B3GALNT2: variants seen among roughly 807,000 people sequenced by gnomAD.
B3GALNT2 encodes the protein UDP-GalNAc:beta-1,3-N-acetylgalactosaminyltransferase 2.
A neutral mutation model predicts 61.1 loss-of-function variants in B3GALNT2; 53 were observed. The observed-to-expected ratio is 0.87, with a 90% confidence interval of 0.70 to 1.09. The LOEUF (loss-of-function observed/expected upper bound fraction) is 1.09. Ranked by LOEUF, B3GALNT2 falls within the 50% of genes least tolerant of loss-of-function variation. The pLI, the probability that B3GALNT2 is intolerant of heterozygous loss-of-function variation, is 0.00. For missense variants in B3GALNT2, 544 were observed against 623.0 expected (o/e 0.87, Z 1.35); for synonymous variants, 223 against 237.4 (o/e 0.94, Z 0.56).
At chr1:235,467,945 A>G (rs1237537223) in intron 6 of B3GALNT2, among the ~76,000 whole-genome samples, 1 of 150,622 alleles carries the variant, frequency 6.6e-6, no homozygotes, top group Non-Finnish European at 1.5e-5. Flanking sequence ...ACGCCTGGCT[A>G]ATTTTTATAT....
At chr1:235,468,297 C>T (rs192454900) in intron 6 of B3GALNT2, among the ~76,000 whole-genome samples, 4 of 152,090 alleles carry the variant, frequency 2.6e-5, no homozygotes, top group Admixed American at 6.6e-5. Flanking sequence ...GGTTTCTTAG[C>T]GTAGGCTTTA....
intron 6 of B3GALNT2, among the ~76,000 whole-genome samples, chr1:235,469,838 A>G (rs1221239390): frequency 2.0e-5 from 3 of 151,818 alleles, no homozygotes; most frequent in Non-Finnish European, 4.4e-5. Flanking sequence ...CTCGGATTAC[A>G]GGCATAAGCC....
At chr1:235,456,643 G>A (rs548245065) in intron 8 of B3GALNT2, among the ~76,000 whole-genome samples, 3 of 152,268 alleles carry the variant, frequency 2.0e-5, no homozygotes, top group South Asian at 2.1e-4. Context: ...CAGCTATGGG[G>A]ACGCAGGTCC....
At chr1:235,440,748 G>A in the B3GALNT2 span, 3 of 152,126 alleles carry the variant, frequency 2.0e-5, no homozygotes, top group Non-Finnish European at 2.9e-5. Context: ...AGGAAAGTTC[G>A]TATGAGTGTA....
intron 5 of B3GALNT2, 137 bp from the exon 6 acceptor site, chr1:235,471,097 A>G: frequency 6.9e-7 from 1 of 1,445,480 alleles, no homozygotes; most frequent in Non-Finnish European, 9.1e-7. Context: ...TAACTCTGAC[A>G]TACCACTGTT....
chr1:235,501,275 C>G lies in B3GALNT2; in HGVS notation c.112+2866G>C, dbSNP rs1685569746. On this transcript the variant is annotated intron_variant, in intron 1 of 11. Transcript: ENST00000366600. ...TCACCCTCAGGTGTACTGGATTTCA[C>G]TTCCTCTTTACCAGTTGCTTTCCCT... Among the ~76,000 whole-genome samples, 3 of 152,322 alleles carry G rather than the reference C, an allele frequency of 2.0e-5. No individual in the cohort carries two copies. In the South Asian group the frequency reaches 6.2e-4, roughly 32 times the overall value.
chr1:235,440,185 T>A, the B3GALNT2 span, among the ~76,000 whole-genome samples: 17 of 152,250 alleles, frequency 1.1e-4, no homozygotes, highest in East Asian at 5.8e-4. Context: ...TTAGCCAGGA[T>A]GGTCTCGATC....
intron 1 of B3GALNT2, among the ~76,000 whole-genome samples, chr1:235,495,546 A>AT (rs1685280042): frequency 6.6e-6 from 1 of 152,110 alleles, no homozygotes. Flanking sequence ...GTAAAAAAAA[A>AT]AAAAAATAAT....
At chr1:235,495,432 CG>C (rs1236338152) in intron 1 of B3GALNT2, among the ~76,000 whole-genome samples, 2 of 151,952 alleles carry the variant, frequency 1.3e-5, no homozygotes, top group African/African-American at 4.8e-5. Flanking sequence ...ACTTCCATAC[CG>C]GAAAGTAATG....
intron 6 of B3GALNT2, among the ~76,000 whole-genome samples, chr1:235,468,599 C>T (rs891852365): frequency 1.3e-5 from 2 of 151,706 alleles, no homozygotes; most frequent in Admixed American, 6.6e-5. Context: ...ACTACAGGCA[C>T]CCGCCACCAC....
Position 235,448,700 on chromosome 1 carries a change from G to T in B3GALNT2, c.*1506C>A, listed in dbSNP as rs763573622. ...GGGCAGAGAAATCGAGCTGGAAAATGACCTAAAGTCATTACAGTTTTATTC... is the reference window on the plus strand; with the variant it reads ...GGGCAGAGAAATCGAGCTGGAAAATTACCTAAAGTCATTACAGTTTTATTC... On this transcript the variant is annotated 3_prime_UTR_variant, in exon 12 of 12. Transcript: ENST00000366600. The T allele has an allele frequency of 9.3e-6, 15 of 1,613,908 alleles. No homozygotes were observed. Among genetic ancestry groups the T allele is most frequent in the South Asian group, 4.4e-5 (4 of 91,028 alleles).
downstream of B3GALNT2, among the ~76,000 whole-genome samples, chr1:235,444,059 C>T (rs1682078441): frequency 6.6e-6 from 1 of 152,168 alleles, no homozygotes; most frequent in African/African-American, 2.4e-5. Flanking sequence ...GACTCTAGTA[C>T]ACTGGGTTTC....
intron 1 of B3GALNT2, among the ~76,000 whole-genome samples, chr1:235,500,522 T>C (rs1344171966): frequency 2.6e-5 from 4 of 152,144 alleles, no homozygotes; most frequent in African/African-American, 7.2e-5. Flanking sequence ...GACATCAAAA[T>C]TGATTGCTCA....
chr1:235,465,177 A>G (rs1247255997), intron 7 of B3GALNT2: 3 of 152,750 alleles, frequency 2.0e-5, no homozygotes, highest in African/African-American at 4.8e-5. Flanking sequence ...ATGTCCATCC[A>G]TTAATGAATG....
Position 235,447,917 on chromosome 1 carries a change from A to AAAT in B3GALNT2, c.*2286_*2288dup, listed in dbSNP as rs1682514532. On this transcript the variant is annotated 3_prime_UTR_variant, in exon 12 of 12. Transcript: ENST00000366600. ...TTACTTGGGTAAAGTGACTTGGGTA[A>AAAT]AATGAAAGATACAGCCAGGCGCTGG... Among the ~76,000 whole-genome samples the AAAT allele has an allele frequency of 6.6e-6, 1 of 152,182 alleles. No individual in the cohort carries two copies. Among genetic ancestry groups the AAAT allele is most frequent in the African/African-American group, 2.4e-5 (1 of 41,440 alleles).
intron 1 of B3GALNT2, among the ~76,000 whole-genome samples, chr1:235,503,905 C>G (rs1264198334): frequency 6.6e-6 from 1 of 152,184 alleles, no homozygotes; most frequent in East Asian, 1.9e-4. Context: ...GCCGGCTCTG[C>G]GGGCGTTAAG....
intron 1 of B3GALNT2, among the ~76,000 whole-genome samples, chr1:235,498,025 A>G (rs539835448): frequency 6.6e-6 from 1 of 152,318 alleles, no homozygotes; most frequent in Admixed American, 6.5e-5. Context: ...GGAAAGTAAC[A>G]CGGCATATCG....
chr1:235,476,516 C>T (rs1010172299), intron 5 of B3GALNT2, among the ~76,000 whole-genome samples: 1 of 151,902 alleles, frequency 6.6e-6, no homozygotes, highest in Non-Finnish European at 1.5e-5. Context: ...AAGTTCAAGA[C>T]CAGCCTGCCA....
chr1:235,475,549 T>C (rs923403827), intron 5 of B3GALNT2, among the ~76,000 whole-genome samples: 2 of 152,170 alleles, frequency 1.3e-5, no homozygotes, highest in Non-Finnish European at 2.9e-5. Flanking sequence ...GCTGATGATA[T>C]GCCAGCAAAC....
Sources: allele counts gnomAD v4.1 joint callset (sites outside exome capture counted in the v4.1 genomes callset), GRCh38; gene constraint gnomAD v4.1.1; transcripts MANE v1.5; gene names NCBI Gene and HGNC (gene_info 2026-07-23, HGNC 2026-07-21).